The following ZNF544 variants were observed in gnomAD, a reference collection of about 807,000 sequenced individuals.
ZNF544 encodes the protein zinc finger protein 544, also known as zinc finger protein AF020591.
A neutral mutation model predicts 13.5 loss-of-function variants in ZNF544; 10 were observed. The observed-to-expected ratio is 0.74, with a 90% CI of 0.46 to 1.25. ZNF544 has a LOEUF of 1.25. Among genes scored for constraint, ZNF544 ranks in the 50% most tolerant of loss-of-function variants. ZNF544 has a pLI of 0.00. For synonymous variants in ZNF544, 323 were observed against 300.5 expected (o/e 1.07, Z -0.77); for missense variants, 896 against 845.6 (o/e 1.06, Z -0.74).
chr19:58,271,619 G>A (rs535154733), intron 5 of ZNF544, among the ~76,000 whole-genome samples: 3 of 152,032 alleles, frequency 2.0e-5, no homozygotes, highest in East Asian at 1.9e-4. Context: ...AAGTGATGTC[G>A]GGAGGCTGAG....
chr19:58,266,647 C>CTGAT (rs2049953092), downstream of ZNF544: 1 of 151,704 alleles, frequency 6.6e-6, no homozygotes, highest in African/African-American at 2.4e-5. Flanking sequence ...GAGCCATAGA[C>CTGAT]TGATAGACCA....
At chr19:58,256,507 C>T (rs2047407877) in intron 6 of ZNF544, among the ~76,000 whole-genome samples, 1 of 152,096 alleles carries the variant, frequency 6.6e-6, no homozygotes, top group African/African-American at 2.4e-5. Context: ...ATGCAAGAAT[C>T]AACAGAAGCA....
chr19:58,239,893 C>T (rs1292239450), intron 3 of ZNF544, among the ~76,000 whole-genome samples: 1 of 134,504 alleles, frequency 7.4e-6, no homozygotes, highest in African/African-American at 2.9e-5. Context: ...AGCAAGACTC[C>T]ATCTCAAAAA....
intron 5 of ZNF544, among the ~76,000 whole-genome samples, chr19:58,271,808 C>A (rs780875385): frequency 6.6e-5 from 10 of 152,174 alleles, no homozygotes; most frequent in Non-Finnish European, 1.3e-4. Flanking sequence ...TTATGAACAA[C>A]TGTCCTACTC....
chr19:58,250,862 T>A (rs947760679), intron 6 of ZNF544, among the ~76,000 whole-genome samples: 2 of 152,160 alleles, frequency 1.3e-5, no homozygotes, highest in African/African-American at 4.8e-5. Context: ...AAGCCAACAG[T>A]CTTTGCCAGA....
intron 5 of ZNF544, among the ~76,000 whole-genome samples, chr19:58,273,834 CCG>C (rs1463742091): frequency 6.6e-6 from 1 of 151,860 alleles, no homozygotes; most frequent in Non-Finnish European, 1.5e-5. Context: ...TCTTGCTCTG[CCG>C]CCAGGCTGGA....
At position 58,261,753 on chromosome 19, in the gene ZNF544, A is replaced by T. The variant is rs1181925765; in HGVS notation, c.1147A>T (p.Thr383Ser). 1 of 1,614,174 alleles carries T rather than the reference A, an allele frequency of 6.2e-7. No homozygotes were observed. The highest frequency in any genetic ancestry group is 2.2e-5 in the East Asian group (1 of 44,890). The change falls in exon 7 of 7, where the codon ACT (threonine) becomes TCT (serine). Residue 383 changes from threonine (T) to serine (S), a missense_variant. By Grantham distance (58) the Thr-to-Ser change is moderately conservative. Transcript: ENST00000687789. ...CACTGGAGAAAAGCCCTTCGAATGT[A>T]CTCAGTGTGGGAAATCTTTTAGCCA... The part of the protein sequence containing the change: ...THTGEKPFEC[T>S]QCGKSFSQSY...
intron 4 of ZNF544, among the ~76,000 whole-genome samples, chr19:58,244,377 C>CACACTGGGCCCTCAATCCTCACGG (rs1248465699): frequency 6.6e-6 from 1 of 151,844 alleles, no homozygotes; most frequent in East Asian, 2.0e-4. Context: ...CCCCGACAGC[C>CACACTGGGCCCTCAATCCTCACGG]ACACTGGGCC....
chr19:58,273,123 G>T (rs533414779), intron 5 of ZNF544, among the ~76,000 whole-genome samples: 17 of 151,696 alleles, frequency 1.1e-4, no homozygotes, highest in Non-Finnish European at 1.9e-4. Flanking sequence ...GGAGGTTGCA[G>T]TAAGCCAAGA....
At chr19:58,234,067 G>C (rs1033140675) in intron 3 of ZNF544, among the ~76,000 whole-genome samples, 1 of 152,142 alleles carries the variant, frequency 6.6e-6, no homozygotes, top group African/African-American at 2.4e-5. Flanking sequence ...CTGGCCTTTG[G>C]TGATAGCCAC....
intron 6 of ZNF544, among the ~76,000 whole-genome samples, chr19:58,254,858 TTC>T (rs1317659953): frequency 1.4e-5 from 2 of 143,448 alleles, no homozygotes; most frequent in Admixed American, 7.1e-5. Context: ...GAGAATTTCT[TTC>T]TTTCTTTTTT....
intron 6 of ZNF544, among the ~76,000 whole-genome samples, chr19:58,248,149 T>C (rs1384485901): frequency 6.6e-6 from 1 of 152,014 alleles, no homozygotes; most frequent in Non-Finnish European, 1.5e-5. Flanking sequence ...CCTGACCTCA[T>C]GATGCGCCCC....
intron 6 of ZNF544, among the ~76,000 whole-genome samples, chr19:58,248,880 G>A (rs921093972): frequency 1.7e-4 from 26 of 152,206 alleles, no homozygotes; most frequent in African/African-American, 4.8e-4. Context: ...AATCCCGAGA[G>A]GTTTCCCATT....
intron 5 of ZNF544, 94 bp downstream of exon 5, chr19:58,246,521 T>C: frequency 6.4e-7 from 1 of 1,557,616 alleles, no homozygotes. Flanking sequence ...TGGAAGATAC[T>C]GGAAGCAGGT....
intron 3 of ZNF544, chr19:58,242,448 G>A (rs564571297): frequency 2.2e-4 from 42 of 189,182 alleles, no homozygotes; most frequent in African/African-American, 8.1e-4. Flanking sequence ...AAACCTGGGA[G>A]AATGATAAGT....
chr19:58,268,297 G>A (rs1186898499), downstream of ZNF544, among the ~76,000 whole-genome samples: 1 of 152,028 alleles, frequency 6.6e-6, no homozygotes, highest in Non-Finnish European at 1.5e-5. Context: ...GTGAAACTCC[G>A]TCTCAGAAAA....
rs540913461 is a variant in ZNF544 at position 58,270,362 on chromosome 19, C to T, written c.245-5961C>T. Among the ~76,000 whole-genome samples, 6 of 146,546 alleles carry T rather than the reference C, an allele frequency of 4.1e-5. No individual in the cohort carries two copies. In the South Asian group the frequency reaches 6.4e-4, roughly 16 times the overall value. ...TGTTGCCCAGTCTGGAGTGCAGTGG[C>T]GCGATCTTGGCTCACTGTAACCTCC... On this transcript the variant is annotated intron_variant, in intron 5 of 6. Coordinates refer to the ZNF544 transcript ENST00000595981.
At chr19:58,234,207 G>A (rs1449726868) in intron 3 of ZNF544, among the ~76,000 whole-genome samples, 1 of 152,178 alleles carries the variant, frequency 6.6e-6, no homozygotes, top group Non-Finnish European at 1.5e-5. Flanking sequence ...CTCTAGCTGT[G>A]GCCCTTGCCT....
chr19:58,251,076 T>C, intron 6 of ZNF544, among the ~76,000 whole-genome samples: 1 of 152,300 alleles, frequency 6.6e-6, no homozygotes, highest in Middle Eastern at 3.4e-3. Flanking sequence ...TGCTATAGAA[T>C]AGGAACTTCA....
Sources: allele counts gnomAD v4.1 joint callset (sites outside exome capture counted in the v4.1 genomes callset), GRCh38; gene constraint gnomAD v4.1.1; transcripts MANE v1.5; gene names NCBI Gene and HGNC (gene_info 2026-07-23, HGNC 2026-07-21).